The following CCDC172 variants were observed in gnomAD, a reference collection of about 807,000 sequenced individuals.
The protein encoded by CCDC172 is coiled-coil domain-containing protein 172.
In CCDC172, 30 loss-of-function variants were observed where a neutral mutation model predicts 38.0. That is an observed-to-expected ratio of 0.79 (90% confidence interval 0.59 to 1.07). The LOEUF (loss-of-function observed/expected upper bound fraction) is 1.07. Ranked by LOEUF, CCDC172 falls within the 50% of genes least tolerant of loss-of-function variation. The pLI is 0.00. For missense variants in CCDC172, 297 were observed against 290.1 expected (o/e 1.02, Z -0.17); for synonymous variants, 78 against 88.3 (o/e 0.88, Z 0.66).
intron 7 of CCDC172, among the ~76,000 whole-genome samples, chr10:116,361,135 C>G (rs1348132042): frequency 6.6e-6 from 1 of 151,120 alleles, no homozygotes; most frequent in Non-Finnish European, 1.5e-5. Context: ...CAGGCATGCA[C>G]CGCCACGCCT....
chr10:116,350,196 A>C (rs781468835), intron 5 of CCDC172, among the ~76,000 whole-genome samples: 13 of 152,224 alleles, frequency 8.5e-5, no homozygotes, highest in Non-Finnish European at 1.3e-4. Flanking sequence ...CTTAAGCAAA[A>C]GAGCGAAGGG....
chr10:116,370,117 T>C (rs1398818674), intron 7 of CCDC172, among the ~76,000 whole-genome samples: 3 of 151,926 alleles, frequency 2.0e-5, no homozygotes, highest in Non-Finnish European at 2.9e-5. Context: ...ATCTGTGACA[T>C]ATGTGGCAAA....
chr10:116,358,021 A>G (rs541044066), intron 7 of CCDC172, 83 bp downstream of exon 7: 92 of 711,934 alleles, frequency 1.3e-4, no homozygotes, highest in African/African-American at 1.1e-3. Context: ...AAGTGCATCA[A>G]TTATTAATTT....
intron 5 of CCDC172, among the ~76,000 whole-genome samples, chr10:116,348,944 G>A (rs1448929622): frequency 6.6e-6 from 1 of 152,138 alleles, no homozygotes; most frequent in Non-Finnish European, 1.5e-5. Flanking sequence ...CATAGCAGGA[G>A]GTGAGTGGCG....
chr10:116,340,622 A>G, intron 3 of CCDC172, 112 bp from the exon 4 acceptor site: 2 of 561,298 alleles, frequency 3.6e-6, no homozygotes, highest in Non-Finnish European at 6.3e-6. Context: ...TTTGCATTTT[A>G]AAGATTAATA....
intron 5 of CCDC172, among the ~76,000 whole-genome samples, chr10:116,355,469 C>CT (rs1162050525): frequency 2.0e-5 from 3 of 152,028 alleles, no homozygotes; most frequent in African/African-American, 7.2e-5. Flanking sequence ...CACATAAGGA[C>CT]TTTTTTCTCA....
At chr10:116,327,008 G>A (rs921507682) in intron 3 of CCDC172, among the ~76,000 whole-genome samples, 1 of 152,116 alleles carries the variant, frequency 6.6e-6, no homozygotes, top group Non-Finnish European at 1.5e-5. Context: ...GACACTTTCA[G>A]GATTGATATC....
At chr10:116,328,747 T>A (rs985831214) in intron 3 of CCDC172, among the ~76,000 whole-genome samples, 3 of 152,118 alleles carry the variant, frequency 2.0e-5, no homozygotes, top group African/African-American at 7.2e-5. Context: ...TTTACCTCAA[T>A]ATGTATGTGT....
At chr10:116,342,921 C>G (rs2134925041) in intron 5 of CCDC172, among the ~76,000 whole-genome samples, 1 of 152,254 alleles carries the variant, frequency 6.6e-6, no homozygotes, top group East Asian at 1.9e-4. Flanking sequence ...GCCATGCTCC[C>G]TCTATAGCTT....
At chr10:116,365,812 A>G (rs1164584606) in intron 7 of CCDC172, among the ~76,000 whole-genome samples, 3 of 152,180 alleles carry the variant, frequency 2.0e-5, no homozygotes, top group Admixed American at 6.5e-5. Context: ...CACCTTTTCT[A>G]TGTTTAGATA....
intron 3 of CCDC172, among the ~76,000 whole-genome samples, chr10:116,331,348 C>A (rs1202050880): frequency 1.3e-5 from 2 of 152,122 alleles, no homozygotes; most frequent in Non-Finnish European, 2.9e-5. Flanking sequence ...AGGCCCCTCC[C>A]TGACCTCCCT....
At chr10:116,373,027 T>C (rs916631283) in intron 7 of CCDC172, among the ~76,000 whole-genome samples, 5 of 152,142 alleles carry the variant, frequency 3.3e-5, no homozygotes, top group African/African-American at 1.2e-4. Context: ...AAGGGCTGTA[T>C]AAGTTTTTCA....
At chr10:116,373,496 C>A (rs1250657060) in intron 7 of CCDC172, among the ~76,000 whole-genome samples, 1 of 151,942 alleles carries the variant, frequency 6.6e-6, no homozygotes, top group African/African-American at 2.4e-5. Flanking sequence ...ATAAGTGTAG[C>A]AAGTGTTATT....
chr10:116,332,107 A>G (rs1844670965), intron 3 of CCDC172, among the ~76,000 whole-genome samples: 1 of 152,138 alleles, frequency 6.6e-6, no homozygotes. Flanking sequence ...GTGGGCATTT[A>G]AAGCCTAATC....
At chr10:116,349,975 G>A (rs889273349) in intron 5 of CCDC172, among the ~76,000 whole-genome samples, 9 of 152,156 alleles carry the variant, frequency 5.9e-5, no homozygotes, top group Non-Finnish European at 1.2e-4. Flanking sequence ...TGAATACCTG[G>A]GGGAATATCA....
chr10:116,325,132 T>A lies in CCDC172; in HGVS notation c.79+42T>A, dbSNP rs576224628. ...CCTTTGCATGGGGCCTTTTGTCTTCTGATGCTGGGTGCTTGGAGCAGAAGG... is the reference window on the plus strand; with the variant it reads ...CCTTTGCATGGGGCCTTTTGTCTTCAGATGCTGGGTGCTTGGAGCAGAAGG... On this transcript the variant is annotated intron_variant, in intron 2 of 8. Transcript: ENST00000333254. 11 of 1,592,172 alleles carry A rather than the reference T, an allele frequency of 6.9e-6. No individual in the cohort carries two copies. The South Asian group carries it at 1.2e-4, about 18-fold the overall frequency.
At position 116,378,521 on chromosome 10, in the gene CCDC172, A is replaced by T. The variant is rs1450752707; in HGVS notation, c.741+11A>T. ...GAATTTTTGGAGTTGGTAAGTTATC[A>T]TTGATTGTTTAACTTTTGTTCAGCA... On this transcript the variant is annotated intron_variant, in intron 8 of 8. Coordinates refer to ENST00000333254, the MANE Select transcript of CCDC172 (RefSeq NM_198515.3). The T allele has an allele frequency of 1.3e-6, 2 of 1,588,636 alleles. No homozygotes were observed. The highest frequency in any genetic ancestry group is 1.7e-6 in the Non-Finnish European group (2 of 1,164,220).
chr10:116,360,540 C>T (rs1056032344), intron 7 of CCDC172, among the ~76,000 whole-genome samples: 1 of 152,156 alleles, frequency 6.6e-6, no homozygotes, highest in Non-Finnish European at 1.5e-5. Flanking sequence ...TATTTTCATT[C>T]CTATCTTTTT....
chr10:116,358,364 T>A (rs2134951531), intron 7 of CCDC172, among the ~76,000 whole-genome samples: 1 of 152,270 alleles, frequency 6.6e-6, no homozygotes, highest in East Asian at 1.9e-4. Context: ...AGTGAAAATG[T>A]ATTTTCTGTA....
Sources: allele counts gnomAD v4.1 joint callset (sites outside exome capture counted in the v4.1 genomes callset), GRCh38; gene constraint gnomAD v4.1.1; transcripts MANE v1.5; gene names NCBI Gene and HGNC (gene_info 2026-07-23, HGNC 2026-07-21).